Variants in SEMA4D observed in about 807,000 individuals in gnomAD.
SEMA4D encodes semaphorin 4D.
A neutral mutation model predicts 74.8 loss-of-function variants in SEMA4D; 22 were observed. The observed-to-expected ratio is 0.29, with a 90% CI of 0.21 to 0.42. The LOEUF is 0.42. Among genes scored for constraint, SEMA4D ranks in the 10% least tolerant of loss-of-function variants. The probability of loss-of-function intolerance (pLI) is 1.00; values close to 1 mark genes in which losing one functional copy is unlikely to be tolerated. For synonymous variants in SEMA4D, 445 were observed against 463.7 expected (o/e 0.96, Z 0.52); for missense variants, 937 against 1,118.4 (o/e 0.84, Z 2.31).
chr9:89,458,741 GCACA>G (rs143720953), intron 1 of SEMA4D, among the ~76,000 whole-genome samples: 29 of 151,444 alleles, frequency 1.9e-4, no homozygotes, highest in African/African-American at 2.9e-4. Context: ...ACACACTCAT[GCACA>G]CACACACATA....
chr9:89,363,742 A>G, exon 17 of SEMA4D: 2 of 1,612,170 alleles, frequency 1.2e-6, no homozygotes, highest in Non-Finnish European at 1.7e-6. Context: ...ATCACTTACC[A>G]GGTCTCATCA....
chr9:89,474,371 C>CA (rs35832661), intron 1 of SEMA4D, among the ~76,000 whole-genome samples: 59,119 of 152,080 alleles, frequency 0.39, 11,786 homozygotes, highest in Middle Eastern at 0.55. Context: ...AAGAACATCA[C>CA]AAAGATTACA....
chr9:89,412,462 C>T (rs940866585), intron 2 of SEMA4D, among the ~76,000 whole-genome samples: 3 of 152,146 alleles, frequency 2.0e-5, no homozygotes, highest in Non-Finnish European at 4.4e-5. Context: ...GCTGTTTATG[C>T]GGTTACTCAA....
At chr9:89,433,154 C>A (rs1355673259) in intron 2 of SEMA4D, among the ~76,000 whole-genome samples, 1 of 152,252 alleles carries the variant, frequency 6.6e-6, no homozygotes, top group Admixed American at 6.5e-5. Context: ...GGACTTCTCA[C>A]CTCACTGTCT....
chr9:89,362,714 G>A (rs929107617), intron 18 of SEMA4D, among the ~76,000 whole-genome samples: 2 of 152,268 alleles, frequency 1.3e-5, no homozygotes, highest in Non-Finnish European at 2.9e-5. Flanking sequence ...AGGATCAGCT[G>A]TAAATGCCCA....
chr9:89,370,820 GGT>G (rs1275393194), intron 16 of SEMA4D, among the ~76,000 whole-genome samples: 5 of 145,520 alleles, frequency 3.4e-5, no homozygotes, highest in East Asian at 4.2e-4. Context: ...GTGTGGGTGT[GGT>G]GTGTGTCTGG....
intron 9 of SEMA4D, among the ~76,000 whole-genome samples, chr9:89,390,444 G>A (rs1839599105): frequency 6.6e-6 from 1 of 152,194 alleles, no homozygotes; most frequent in Non-Finnish European, 1.5e-5. Flanking sequence ...AGCACCAGGT[G>A]GATACTCAGG....
chr9:89,362,135 C>A (rs1324355837), exon 19 of SEMA4D: 1 of 582,730 alleles, frequency 1.7e-6, no homozygotes, highest in African/African-American at 1.9e-5. Context: ...TCCTGGTTAC[C>A]TGCTTGTGCC....
intron 1 of SEMA4D, among the ~76,000 whole-genome samples, chr9:89,460,239 G>T (rs1588057475): frequency 1.3e-5 from 2 of 152,216 alleles, no homozygotes; most frequent in East Asian, 3.8e-4. Flanking sequence ...GAAACAGCTG[G>T]CCTTGGGTAA....
In SEMA4D at chr9:89,389,006, G is replaced by C; in HGVS notation, c.816C>G (p.Thr272=). 1.2e-6 allele frequency: 2 copies of C among 1,614,078 alleles called. No homozygotes were observed. The highest frequency in any genetic ancestry group is 1.7e-6 in the Non-Finnish European group (2 of 1,180,022). Residue 272 remains threonine, a synonymous_variant, in exon 10 of 16, where the codon ACC becomes ACG. Transcript: ENST00000422704. ...AGATGAGTCGGGCTTTCAGGAAGGAGGTCCATTTCTTCTGCAAGGTCCTCA... is the reference window on the plus strand; with the variant it reads ...AGATGAGTCGGGCTTTCAGGAAGGACGTCCATTTCTTCTGCAAGGTCCTCA... ...GGLRTLQKKW[T]SFLKARLICS... is the part of the protein sequence containing the mutation.
chr9:89,364,159 G>A, intron 16 of SEMA4D: 1 of 1,005,300 alleles, frequency 9.9e-7, no homozygotes, highest in South Asian at 1.7e-5. Context: ...TGGACTTCCT[G>A]CTCTTTGACC....
intron 1 of SEMA4D, among the ~76,000 whole-genome samples, chr9:89,473,371 T>C (rs1466093343): frequency 6.6e-6 from 1 of 151,722 alleles, no homozygotes; most frequent in African/African-American, 2.4e-5. Flanking sequence ...GTCTCAGAGT[T>C]TGAGACCATC....
chr9:89,384,861 G>A (rs1471428000), intron 13 of SEMA4D: 3 of 985,290 alleles, frequency 3.0e-6, no homozygotes, highest in East Asian at 1.1e-4. Flanking sequence ...CCATGGCCAT[G>A]GAGCTGGGCC....
At chr9:89,411,792 GT>G (rs1844578820) in intron 2 of SEMA4D, among the ~76,000 whole-genome samples, 1 of 152,214 alleles carries the variant, frequency 6.6e-6, no homozygotes. Context: ...CAGAGCCTGG[GT>G]CCCTAGGGCA....
At chr9:89,455,633 C>T (rs2135533362) in intron 2 of SEMA4D, among the ~76,000 whole-genome samples, 1 of 152,298 alleles carries the variant, frequency 6.6e-6, no homozygotes, top group South Asian at 2.1e-4. Context: ...CGCTCATTGC[C>T]TCCCCTGCCC....
At chr9:89,389,084 T>C in intron 9 of SEMA4D, 37 bp from the exon 10 acceptor site, 1 of 1,610,004 alleles carries the variant, frequency 6.2e-7, no homozygotes, top group South Asian at 1.1e-5. Flanking sequence ...GGGCCGAGAG[T>C]GGATCCCCTG....
At position 89,405,341 on chromosome 9, in the gene SEMA4D, C is replaced by T. The variant is rs373612275; in HGVS notation, c.106+10G>A. The T allele has an allele frequency of 6.8e-6, 11 of 1,612,138 alleles. No individual in the cohort carries two copies. Among genetic ancestry groups the T allele is most frequent in the Admixed American group, 1.7e-5 (1 of 60,014 alleles). ...AGGCCATCAGCACCCCTGCAGGTTT[C>T]GTCACTCACCTCTGTGCTCCCAGGT... is the stretch of plus-strand genomic sequence containing the variant. On this transcript the variant is annotated intron_variant, in intron 3 of 15. Coordinates refer to ENST00000422704, the MANE Select transcript of SEMA4D (RefSeq NM_001371194.2).
At chr9:89,436,544 G>A (rs1182585810) in intron 2 of SEMA4D, 1 of 152,428 alleles carries the variant, frequency 6.6e-6, no homozygotes, top group African/African-American at 2.4e-5. Context: ...CTTCAGCGCA[G>A]GGACAAGGTC....
rs138573377 is a variant in SEMA4D at position 89,483,308 on chromosome 9, A to G, written c.-310+14611T>C. Among the ~76,000 whole-genome samples the G allele has an allele frequency of 5.4e-3, 824 of 152,234 alleles. 7 individuals are homozygous for G. The highest frequency in any genetic ancestry group is 0.018 in the African/African-American group (735 of 41,524). On this transcript the variant is annotated intron_variant, in intron 1 of 15. Coordinates refer to ENST00000422704, the MANE Select transcript of SEMA4D (RefSeq NM_001371194.2). ...AAAGACAAGCTAGATATCCAATTCC[A>G]CCTGCTCAAGAGCTCTGCTTTGACC...
Sources: gnomAD v4.1 joint callset for allele counts (sites outside exome capture counted in the v4.1 genomes callset) on GRCh38, gnomAD v4.1.1 for gene constraint, MANE v1.5 for transcripts, NCBI Gene and HGNC (gene_info 2026-07-23, HGNC 2026-07-21) for gene names.